CCT6B: variants seen among roughly 807,000 people sequenced by gnomAD.
The protein encoded by CCT6B is chaperonin containing TCP1 subunit 6B.
In CCT6B, 49 loss-of-function variants were observed where a neutral mutation model predicts 61.5. The observed-to-expected ratio is 0.80, with a 90% confidence interval of 0.63 to 1.01. The LOEUF (loss-of-function observed/expected upper bound fraction) is 1.01, where lower values mean the gene tolerates loss of function less well. Among genes scored for constraint, CCT6B ranks in the 50% least tolerant of loss-of-function variants. The probability of loss-of-function intolerance (pLI) is 0.00; values close to 1 mark genes in which losing one functional copy is unlikely to be tolerated. For missense variants in CCT6B, 666 were observed against 634.7 expected, an observed-to-expected ratio of 1.05 and a Z score of -0.53; for synonymous variants, 228 against 214.5, an observed-to-expected ratio of 1.06 and a Z score of -0.55.
chr17:34,932,254 G>A, intron 11 of CCT6B, 113 bp downstream of exon 11: 1 of 951,438 alleles, frequency 1.1e-6, no homozygotes, highest in Non-Finnish European at 1.5e-6. Flanking sequence ...ACTGTGTAAG[G>A]AAATGCACAT....
At chr17:34,957,143 A>ATTT (rs57459236) in intron 3 of CCT6B, among the ~76,000 whole-genome samples, 1 of 102,300 alleles carries the variant, frequency 9.8e-6, no homozygotes, top group African/African-American at 3.7e-5. Flanking sequence ...TTTTCTTTCC[A>ATTT]TTTTTTTTTT....
chr17:34,927,951 G>A lies in CCT6B; in HGVS notation c.*97C>T. On this transcript the variant is annotated 3_prime_UTR_variant, in exon 14 of 14. Coordinates refer to ENST00000314144, the MANE Select transcript of CCT6B (RefSeq NM_006584.4). ...CCAAAAGACATAAACTGCATTTATTGTGTAGAAATTCAGAATGGCTCAGGC... is the reference window on the plus strand; with the variant it reads ...CCAAAAGACATAAACTGCATTTATTATGTAGAAATTCAGAATGGCTCAGGC... 2 of 750,752 alleles carry A rather than the reference G, an allele frequency of 2.7e-6. No homozygotes were observed. Among genetic ancestry groups the A allele is most frequent in the Non-Finnish European group, 4.3e-6 (2 of 466,266 alleles). 46.5% of individuals were successfully genotyped at this position (750,752 alleles called of 1,614,324 possible).
At position 34,956,315 on chromosome 17, in the gene CCT6B, C is replaced by T. The variant is rs569580461; in HGVS notation, c.337-1716G>A. Among the ~76,000 whole-genome samples the T allele has an allele frequency of 7.2e-5, 11 of 152,288 alleles. No individual in the cohort carries two copies. In the South Asian group the frequency reaches 2.3e-3, roughly 32 times the overall value. On this transcript the variant is annotated intron_variant, in intron 3 of 13. Transcript: ENST00000314144. ...TGTTCCTTCTGCCTGGAAAGCCATT[C>T]TCCTCACCCCTTGCTCTTTTGTCTG...
chr17:34,935,482 T>C (rs976397546), intron 10 of CCT6B, among the ~76,000 whole-genome samples: 9 of 152,098 alleles, frequency 5.9e-5, no homozygotes, highest in African/African-American at 2.2e-4. Flanking sequence ...AAAAGTAAAA[T>C]GCATTATAAC....
intron 4 of CCT6B, among the ~76,000 whole-genome samples, chr17:34,953,569 G>C (rs968025599): frequency 2.0e-5 from 3 of 151,824 alleles, no homozygotes; most frequent in African/African-American, 7.3e-5. Flanking sequence ...ACCTCAGGTC[G>C]TCTCCCCACC....
At chr17:34,942,272 T>C (rs900500245) in intron 7 of CCT6B, among the ~76,000 whole-genome samples, 1 of 152,110 alleles carries the variant, frequency 6.6e-6, no homozygotes, top group Non-Finnish European at 1.5e-5. Context: ...CTTTGACTTG[T>C]ACTAAGGTGC....
intron 10 of CCT6B, among the ~76,000 whole-genome samples, chr17:34,932,709 CA>C (rs919852930): frequency 6.6e-6 from 1 of 152,174 alleles, no homozygotes; most frequent in Non-Finnish European, 1.5e-5. Flanking sequence ...TAACTGGCTG[CA>C]AACAGCTTAT....
rs180675016 is a variant in CCT6B, at chr17:34,930,786, T to C, written c.1450+163A>G. Among the ~76,000 whole-genome samples the C allele has an allele frequency of 5.3e-5, 8 of 152,326 alleles. No individual in the cohort carries two copies. The East Asian group carries it at 7.7e-4, about 15-fold the overall frequency. ...GAGGAAAACAAGCACTCAATAACTATTTCTTAAATGAATGAACATTTTTTA... is the reference window on the plus strand; with the variant it reads ...GAGGAAAACAAGCACTCAATAACTACTTCTTAAATGAATGAACATTTTTTA... On this transcript the variant is annotated intron_variant, in intron 12 of 13. Transcript: ENST00000314144.
chr17:34,952,102 T>G (rs2090298623), intron 4 of CCT6B, 49 bp from the exon 5 acceptor site: 1 of 1,167,002 alleles, frequency 8.6e-7, no homozygotes, highest in Non-Finnish European at 1.3e-6. Context: ...ACTACTAAAA[T>G]AAACCAAGGG....
At position 34,928,979 on chromosome 17, in the gene CCT6B, T is replaced by G. The variant is rs1367607133; in HGVS notation, c.1506A>C (p.Lys502Asn). 1.2e-6 allele frequency: 2 copies of G among 1,600,336 alleles called. No individual in the cohort carries two copies. The highest frequency in any genetic ancestry group is 1.3e-5 in the African/African-American group (1 of 74,652). Reference protein sequence around the residue: ...AGVWDNYCVKKQLLHSCTVIA... With the variant: ...AGVWDNYCVKNQLLHSCTVIA... Reference sequence around the variant, plus strand: ...GAACTTACCAAGAGTGAAGAAGTTGTTTTTTTACACAATAATTATCCCAAA... The same window carrying G: ...GAACTTACCAAGAGTGAAGAAGTTGGTTTTTTACACAATAATTATCCCAAA... Residue 502 changes from lysine (K) to asparagine (N), a missense_variant, in exon 13 of 14, where the codon AAA becomes AAC. Lys to Asn is a moderately conservative substitution (Grantham distance 94, BLOSUM62 0). Coordinates refer to ENST00000314144, the MANE Select transcript of CCT6B (RefSeq NM_006584.4).
intron 12 of CCT6B, among the ~76,000 whole-genome samples, chr17:34,929,987 T>C (rs1338138584): frequency 2.0e-5 from 3 of 152,328 alleles, no homozygotes; most frequent in East Asian, 3.9e-4. Flanking sequence ...CCACAGTTGA[T>C]TGCAACTCCA....
chr17:34,952,779 T>C lies in CCT6B; in HGVS notation c.511-726A>G, dbSNP rs555336146. On this transcript the variant is annotated intron_variant, in intron 4 of 13. Transcript: ENST00000314144. ...GCTAAGTTATAACTACCCTAAAATA[T>C]ACATAAAGCAGAAAAAACTGTATCT... Among the ~76,000 whole-genome samples, 5 of 152,232 alleles carry C rather than the reference T, an allele frequency of 3.3e-5. 1 individual carries two copies. Among genetic ancestry groups the C allele is most frequent in the African/African-American group, 9.6e-5 (4 of 41,550 alleles).
At chr17:34,958,777 G>T in intron 2 of CCT6B, 83 bp from the exon 3 acceptor site, 1 of 984,896 alleles carries the variant, frequency 1.0e-6, no homozygotes, top group Non-Finnish European at 1.4e-6. Context: ...CTAGGGGTCA[G>T]TAGCAAAATT....
chr17:34,954,402 G>C, intron 4 of CCT6B, 24 bp downstream of exon 4: 1 of 1,564,578 alleles, frequency 6.4e-7, no homozygotes, highest in Non-Finnish European at 8.7e-7. Flanking sequence ...TATTTGTTCT[G>C]AATGCAAAAG....
At position 34,958,688 on chromosome 17, in the gene CCT6B, G is replaced by A. The variant is rs1018876611; in HGVS notation, c.208C>T (p.Gln70Ter). ...GNVLLDEMQI[Q>*]HPTASLIAKV... ...GCTATCAAGGAAGCTGTTGGATGTT[G>A]AATTTGCTGGAAAAAGCAAGCAACA... Residue 70 changes from glutamine to a stop codon, truncating the protein, a stop_gained, in exon 3 of 14, where the codon CAA becomes TAA. Coordinates refer to ENST00000314144, the MANE Select transcript of CCT6B (RefSeq NM_006584.4). LOFTEE classifies it high-confidence loss of function. 1 of 1,591,132 alleles carries A rather than the reference G, an allele frequency of 6.3e-7. No homozygotes were observed. Among genetic ancestry groups the A allele is most frequent in the South Asian group, 1.2e-5 (1 of 85,232 alleles).
intron 3 of CCT6B, among the ~76,000 whole-genome samples, chr17:34,958,156 T>C (rs1027575295): frequency 2.0e-5 from 3 of 152,144 alleles, no homozygotes; most frequent in Non-Finnish European, 2.9e-5. Context: ...TAAAATTAAC[T>C]GTCTAGACCA....
At chr17:34,951,695 G>A (rs565488033) in intron 5 of CCT6B, among the ~76,000 whole-genome samples, 1 of 152,144 alleles carries the variant, frequency 6.6e-6, no homozygotes, top group African/African-American at 2.4e-5. Context: ...AGCTCTCCAG[G>A]TTCTTATCAG....
intron 10 of CCT6B, among the ~76,000 whole-genome samples, chr17:34,936,366 C>T (rs1446938147): frequency 6.6e-6 from 1 of 152,110 alleles, no homozygotes; most frequent in Non-Finnish European, 1.5e-5. Flanking sequence ...TGAATGCTTT[C>T]CCCCTAAGAT....
chr17:34,959,226 T>C (rs1169418894), intron 2 of CCT6B, among the ~76,000 whole-genome samples: 1 of 147,630 alleles, frequency 6.8e-6, no homozygotes, highest in African/African-American at 2.5e-5. Flanking sequence ...TGGGCTCAAG[T>C]GATCCTCTCA....
Sources: gnomAD v4.1 joint callset for allele counts (sites outside exome capture counted in the v4.1 genomes callset) on GRCh38, gnomAD v4.1.1 for gene constraint, MANE v1.5 for transcripts, NCBI Gene and HGNC (gene_info 2026-07-23, HGNC 2026-07-21) for gene names.